PRIM2: variants seen among roughly 807,000 people sequenced by gnomAD.
The protein encoded by PRIM2 is DNA primase large subunit.
In PRIM2, 39 loss-of-function variants were observed where a neutral mutation model predicts 67.3. The observed-to-expected ratio is 0.58, with a 90% confidence interval of 0.45 to 0.76. The LOEUF is 0.76. Ranked by LOEUF, PRIM2 falls within the 30% of genes least tolerant of loss-of-function variation. The pLI is 0.00. For missense variants in PRIM2, 398 were observed against 598.7 expected, an observed-to-expected ratio of 0.66 and a Z score of 3.50; for synonymous variants, 143 against 198.7, an observed-to-expected ratio of 0.72 and a Z score of 2.36.
chr6:57,440,914 G>A (rs1772183331), intron 7 of PRIM2, among the ~76,000 whole-genome samples: 1 of 152,134 alleles, frequency 6.6e-6, no homozygotes, highest in African/African-American at 2.4e-5. Flanking sequence ...TGCAAAATAA[G>A]TATAGCAGAA....
At chr6:57,543,688 G>C (rs1444395750) in intron 10 of PRIM2, among the ~76,000 whole-genome samples, 2 of 152,070 alleles carry the variant, frequency 1.3e-5, no homozygotes, top group South Asian at 2.1e-4. Context: ...TTCTTGAATT[G>C]ACTGCCTGAT....
intron 10 of PRIM2, among the ~76,000 whole-genome samples, chr6:57,544,973 G>A (rs1171599022): frequency 4.6e-5 from 7 of 152,030 alleles, no homozygotes; most frequent in Admixed American, 1.3e-4. Context: ...TTTAGCTTTC[G>A]ATATGAGAAA....
intron 7 of PRIM2, 104 bp from the exon 8 acceptor site, chr6:57,507,283 G>A (rs1774270704): frequency 2.5e-6 from 2 of 785,190 alleles, no homozygotes; most frequent in African/African-American, 1.8e-5. Flanking sequence ...ATATTTTTAA[G>A]TATTGCCTCC....
intron 7 of PRIM2, among the ~76,000 whole-genome samples, chr6:57,458,720 T>A (rs9396301): frequency 0.11 from 16,242 of 152,082 alleles, 971 homozygotes; most frequent in East Asian, 0.22. Context: ...CAGAAACAAA[T>A]CTACGATTAT....
intron 10 of PRIM2, among the ~76,000 whole-genome samples, chr6:57,595,502 G>A (rs1776349327): frequency 6.6e-6 from 1 of 152,004 alleles, no homozygotes; most frequent in South Asian, 2.1e-4. Flanking sequence ...AGTCTCACAA[G>A]ACTGTGCCCT....
chr6:57,642,878 A>G (rs1263466994), intron 13 of PRIM2, among the ~76,000 whole-genome samples: 1 of 152,178 alleles, frequency 6.6e-6, no homozygotes, highest in African/African-American at 2.4e-5. Flanking sequence ...CAGCATCAGC[A>G]ATTTCCAGTT....
intron 10 of PRIM2, among the ~76,000 whole-genome samples, chr6:57,595,235 A>G (rs1247792035): frequency 1.1e-4 from 16 of 152,228 alleles, no homozygotes. Context: ...AAATGAAAAT[A>G]TATACCTACA....
chr6:57,377,460 T>C (rs1769807446), intron 5 of PRIM2, among the ~76,000 whole-genome samples: 1 of 151,908 alleles, frequency 6.6e-6, no homozygotes, highest in African/African-American at 2.4e-5. Context: ...TTAGGAGGAT[T>C]ATATCTTTCT....
At chr6:57,517,329 G>C (rs1774506879) in intron 8 of PRIM2, among the ~76,000 whole-genome samples, 1 of 151,988 alleles carries the variant, frequency 6.6e-6, no homozygotes, top group Non-Finnish European at 1.5e-5. Context: ...TTCTTAAAAG[G>C]CCTGAGAAAG....
chr6:57,228,930 A>G, the PRIM2 span, among the ~76,000 whole-genome samples: 1 of 152,242 alleles, frequency 6.6e-6, no homozygotes, highest in Non-Finnish European at 1.5e-5. Flanking sequence ...GAAAGTTACT[A>G]GTTATATGGG....
chr6:57,425,889 G>A lies in PRIM2; in HGVS notation c.693+43721G>A, dbSNP rs1369828549. On this transcript the variant is annotated intron_variant, in intron 7 of 13. Transcript: ENST00000615550. ...AATAGGTGGAAACTCAGAATTTCAG[G>A]GTCTTTTACTCAAATATAGGCCTGT... 4.1e-4 allele frequency among the ~76,000 whole-genome samples: 63 copies of A among 152,040 alleles called. 1 individual carries two copies. Among genetic ancestry groups the A allele is most frequent in the African/African-American group, 1.1e-3 (46 of 41,476 alleles).
At chr6:57,285,877 A>G in the PRIM2 span, among the ~76,000 whole-genome samples, 2 of 152,050 alleles carry the variant, frequency 1.3e-5, no homozygotes, top group South Asian at 4.2e-4. Flanking sequence ...CAGCCCAAAA[A>G]CTCCTTAAGC....
intron 2 of PRIM2, 157 bp from the exon 3 acceptor site, chr6:57,320,300 G>A (rs1157046819): frequency 6.4e-6 from 1 of 156,524 alleles, no homozygotes; most frequent in East Asian, 1.9e-4. Context: ...CCTCTTATAA[G>A]CATATGTAGT....
At chr6:57,422,731 G>A (rs1285067354) in intron 7 of PRIM2, among the ~76,000 whole-genome samples, 1 of 151,770 alleles carries the variant, frequency 6.6e-6, no homozygotes, top group African/African-American at 2.4e-5. Flanking sequence ...GGTATGGCTA[G>A]TATACAAATG....
chr6:57,486,271 T>G (rs1411543512), intron 7 of PRIM2, among the ~76,000 whole-genome samples: 19 of 152,248 alleles, frequency 1.2e-4, no homozygotes, highest in Non-Finnish European at 1.2e-4. Flanking sequence ...AACCCATTTA[T>G]GCATAGTGTT....
At chr6:57,465,200 C>T (rs1344202062) in intron 7 of PRIM2, among the ~76,000 whole-genome samples, 2 of 152,260 alleles carry the variant, frequency 1.3e-5, no homozygotes, top group East Asian at 1.9e-4. Context: ...TTCTCCCTTC[C>T]GTGAAGACAG....
intron 4 of PRIM2, among the ~76,000 whole-genome samples, chr6:57,325,287 T>G (rs1252572493): frequency 1.4e-5 from 2 of 146,200 alleles, no homozygotes; most frequent in African/African-American, 5.1e-5. Flanking sequence ...CTTTTTTTTT[T>G]CTCTTTTCTC....
chr6:57,468,545 A>C (rs1285380308), intron 7 of PRIM2, among the ~76,000 whole-genome samples: 1 of 152,112 alleles, frequency 6.6e-6, no homozygotes, highest in Admixed American at 6.6e-5. Context: ...ATTTTATTGA[A>C]AATTTTTGCA....
chr6:57,625,235 A>G (rs1776928445), intron 12 of PRIM2, among the ~76,000 whole-genome samples: 1 of 152,130 alleles, frequency 6.6e-6, no homozygotes, highest in Non-Finnish European at 1.5e-5. Flanking sequence ...AGGTGACTCT[A>G]TTAATTTAAA....
Sources: allele counts gnomAD v4.1 joint callset (sites outside exome capture counted in the v4.1 genomes callset), GRCh38; gene constraint gnomAD v4.1.1; transcripts MANE v1.5; gene names NCBI Gene and HGNC (gene_info 2026-07-23, HGNC 2026-07-21).